PARD3B: variants seen among roughly 807,000 people sequenced by gnomAD.
PARD3B encodes partitioning defective 3 homolog B.
A neutral mutation model predicts 130.2 loss-of-function variants in PARD3B; 103 were observed. The ratio of observed to expected loss-of-function variants is 0.79; its 90% CI spans 0.67 to 0.93. The LOEUF is 0.93. Ranked by LOEUF, PARD3B falls within the 40% of genes least tolerant of loss-of-function variation. PARD3B has a pLI of 0.00. For missense variants in PARD3B, 1,609 were observed against 1,499.2 expected (o/e 1.07, Z -1.21); for synonymous variants, 583 against 553.2 (o/e 1.05, Z -0.76).
At chr2:205,600,700 T>C (rs186711609) in intron 22 of PARD3B, among the ~76,000 whole-genome samples, 34 of 152,332 alleles carry the variant, frequency 2.2e-4, no homozygotes, top group Admixed American at 1.6e-3. Context: ...TTCCCCTCTC[T>C]GTATCCATGT....
chr2:204,892,666 G>A (rs1296623359), intron 2 of PARD3B, among the ~76,000 whole-genome samples: 1 of 152,198 alleles, frequency 6.6e-6, no homozygotes, highest in Non-Finnish European at 1.5e-5. Flanking sequence ...TCAGGGTGAT[G>A]TCAGTGGAGA....
chr2:204,889,113 C>T (rs772085892), intron 2 of PARD3B, among the ~76,000 whole-genome samples: 7 of 152,092 alleles, frequency 4.6e-5, no homozygotes, highest in African/African-American at 1.2e-4. Context: ...GTAAGCCGTG[C>T]GTCTTTTTCA....
rs751935906 is a variant in PARD3B, at chr2:205,172,347, T to C, written c.1757T>C (p.Leu586Ser). Residue 586 changes from leucine (L) to serine (S), a missense_variant, in exon 12 of 23, where the codon TTG becomes TCG. By Grantham distance (145) the Leu-to-Ser change is moderately radical. Transcript: ENST00000406610. ...MEGNIRGMIQ[L>S]VILRRPERPM... ...GGAAACATCCGAGGGATGATCCAGT[T>C]GGTGATTCTGAGGAGGCCAGAGAGA... The C allele has an allele frequency of 6.2e-7, 1 of 1,614,092 alleles. No homozygotes were observed. The highest frequency in any genetic ancestry group is 2.2e-5 in the East Asian group (1 of 44,864).
At chr2:204,874,121 C>T (rs564326981) in intron 2 of PARD3B, among the ~76,000 whole-genome samples, 7 of 152,140 alleles carry the variant, frequency 4.6e-5, no homozygotes, top group East Asian at 3.9e-4. Flanking sequence ...CCCGCCTGAG[C>T]GATGATCAAA....
intron 20 of PARD3B, among the ~76,000 whole-genome samples, chr2:205,454,951 C>T (rs145242175): frequency 1.3e-5 from 2 of 151,974 alleles, no homozygotes; most frequent in African/African-American, 4.8e-5. Flanking sequence ...CTTAAACTAC[C>T]CTTTAAGCAA....
intron 5 of PARD3B, 46 bp downstream of exon 5, chr2:205,104,560 AT>A: frequency 7.7e-7 from 1 of 1,291,664 alleles, no homozygotes; most frequent in South Asian, 1.2e-5. Flanking sequence ...TTTCAATTTG[AT>A]GTGTTTTTTA....
In PARD3B at chr2:205,125,400, A is replaced by G. The variant is rs2125631351; in HGVS notation, c.1306-209A>G. Among the ~76,000 whole-genome samples the G allele has an allele frequency of 6.6e-6, 1 of 152,326 alleles. No homozygotes were observed. Among genetic ancestry groups the G allele is most frequent in the East Asian group, 1.9e-4 (1 of 5,188 alleles). On this transcript the variant is annotated intron_variant, in intron 9 of 22. Transcript: ENST00000406610. This position sits in a 1 kb window ranked among gnomAD's most constrained non-coding sequence, Gnocchi z 4.0. ...TGTGATGTCTTAGGAAAAACTGCTG[A>G]TATTAATTACCGACTCTGAGTTCAT...
chr2:205,551,430 C>T (rs961576140), intron 21 of PARD3B, among the ~76,000 whole-genome samples: 30 of 151,532 alleles, frequency 2.0e-4, no homozygotes, highest in African/African-American at 7.3e-4. Flanking sequence ...TAAACCAAGG[C>T]TTTTATCCTA....
chr2:205,502,165 A>C (rs2106346865), intron 21 of PARD3B, among the ~76,000 whole-genome samples: 1 of 152,252 alleles, frequency 6.6e-6, no homozygotes, highest in Non-Finnish European at 1.5e-5. Flanking sequence ...TCCTTTCCTG[A>C]GTGTCTTTTG....
intron 1 of PARD3B, among the ~76,000 whole-genome samples, chr2:204,643,244 T>G (rs562933453): frequency 4.0e-4 from 61 of 151,116 alleles, no homozygotes; most frequent in African/African-American, 1.4e-3. Context: ...GAGGCCTCCC[T>G]AGCCGTGCCT....
chr2:204,808,094 C>T (rs1178097959), intron 2 of PARD3B, among the ~76,000 whole-genome samples: 2 of 151,682 alleles, frequency 1.3e-5, no homozygotes, highest in Admixed American at 6.6e-5. Flanking sequence ...TATATATCTA[C>T]TATATATTCA....
At chr2:205,385,112 C>T (rs2045616149) in intron 18 of PARD3B, among the ~76,000 whole-genome samples, 1 of 152,002 alleles carries the variant, frequency 6.6e-6, no homozygotes, top group South Asian at 2.1e-4. Flanking sequence ...ATCTGATTAG[C>T]TTATGTTGTT....
intron 10 of PARD3B, among the ~76,000 whole-genome samples, chr2:205,126,317 C>G (rs2031390475): frequency 6.6e-6 from 1 of 152,092 alleles, no homozygotes; most frequent in African/African-American, 2.4e-5. Flanking sequence ...AACTGATGAT[C>G]AAAGATGTGG....
At chr2:205,053,831 CAG>C (rs141879847) in intron 4 of PARD3B, among the ~76,000 whole-genome samples, 17,060 of 151,932 alleles carry the variant, frequency 0.11, 1,026 homozygotes, top group Non-Finnish European at 0.12. Context: ...AAGAGCAAAA[CAG>C]GGGGAGAAAT....
intron 19 of PARD3B, among the ~76,000 whole-genome samples, chr2:205,414,020 G>T (rs1157051555): frequency 5.9e-5 from 9 of 152,112 alleles, no homozygotes; most frequent in South Asian, 2.1e-4. Context: ...ATATTTTTGT[G>T]CTGTATTTTG....
intron 2 of PARD3B, among the ~76,000 whole-genome samples, chr2:204,787,885 G>A (rs2042065156): frequency 1.3e-5 from 2 of 152,172 alleles, no homozygotes; most frequent in African/African-American, 4.8e-5. Flanking sequence ...TTCTGTCATG[G>A]CAGAGTGTGG....
Position 205,589,424 on chromosome 2 carries a change from A to G in PARD3B, c.3261-26032A>G, listed in dbSNP as rs2054306587. ...TCTCCAAACCTCTGTTCCCACGGCA[A>G]CTCCAGATCCAGTCCCATCTCAAAT... On this transcript the variant is annotated intron_variant, in intron 22 of 22. Coordinates refer to ENST00000406610, the MANE Select transcript of PARD3B (RefSeq NM_001302769.2). The surrounding 1 kb of genome is among the most constrained non-coding windows in gnomAD (Gnocchi z 4.1). Among the ~76,000 whole-genome samples, 1 of 152,128 alleles carries G rather than the reference A, an allele frequency of 6.6e-6. No individual in the cohort carries two copies. Among genetic ancestry groups the G allele is most frequent in the Admixed American group, 6.5e-5 (1 of 15,278 alleles).
rs1227166530 is a variant in PARD3B, at chr2:205,498,015, A to AC, written c.3045-1881_3045-1880insC. On this transcript the variant is annotated intron_variant, in intron 20 of 22. Coordinates refer to ENST00000406610, the MANE Select transcript of PARD3B (RefSeq NM_001302769.2). ...AACATGGTGAAACCTCGTCTCTACT[A>AC]AACACACACACACACACACACACAC... is the stretch of plus-strand genomic sequence containing the variant. Among the ~76,000 whole-genome samples, 6 of 110,658 alleles carry AC rather than the reference A, an allele frequency of 5.4e-5. No homozygotes were observed. The East Asian group carries it at 8.4e-4, about 16-fold the overall frequency. The allele number at this position is 110,658 out of a possible 152,430, so 72.6% of individuals were successfully genotyped here. A position where few individuals can be genotyped will look rare whatever the true frequency, so the allele number is the denominator to read the frequency against.
At chr2:204,944,570 G>C (rs535433769) in intron 2 of PARD3B, among the ~76,000 whole-genome samples, 2 of 152,174 alleles carry the variant, frequency 1.3e-5, no homozygotes, top group African/African-American at 4.8e-5. Context: ...AAGGCAAGGC[G>C]CCTGGCTAAT....
Sources: gnomAD v4.1 joint callset for allele counts (sites outside exome capture counted in the v4.1 genomes callset) on GRCh38, gnomAD v4.1.1 for gene constraint, Gnocchi (gnomAD v3.1) non-coding constraint, MANE v1.5 for transcripts, NCBI Gene and HGNC (gene_info 2026-07-23, HGNC 2026-07-21) for gene names.